PCDH9: variants seen among roughly 807,000 people sequenced by gnomAD.
PCDH9 encodes the protein protocadherin-9.
Under a neutral mutation model 70.6 loss-of-function variants are expected in PCDH9, and 24 were observed. That is an observed-to-expected ratio of 0.34 (90% CI 0.25 to 0.48). PCDH9 has a LOEUF of 0.48. Among genes scored for constraint, PCDH9 ranks in the 20% least tolerant of loss-of-function variants. The pLI, the probability that PCDH9 is intolerant of heterozygous loss-of-function variation, is 0.99. For synonymous variants in PCDH9, 562 were observed against 558.5 expected, an observed-to-expected ratio of 1.01 and a Z score of -0.09; for missense variants, 1,281 against 1,503.6, an observed-to-expected ratio of 0.85 and a Z score of 2.45.
At chr13:66,962,757 T>G (rs1490052707) in intron 2 of PCDH9, among the ~76,000 whole-genome samples, 1 of 152,184 alleles carries the variant, frequency 6.6e-6, no homozygotes, top group Admixed American at 6.6e-5. Context: ...TTATTTATAA[T>G]GCATCAGTGG....
At chr13:66,322,920 ATTC>A (rs1370459630) in intron 4 of PCDH9, among the ~76,000 whole-genome samples, 3 of 152,016 alleles carry the variant, frequency 2.0e-5, no homozygotes, top group African/African-American at 2.4e-5. Flanking sequence ...CTTTTAAAAA[ATTC>A]TTCTAATCAT....
intron 4 of PCDH9, among the ~76,000 whole-genome samples, chr13:66,340,201 C>A (rs539057946): frequency 6.6e-6 from 1 of 152,248 alleles, no homozygotes; most frequent in East Asian, 1.9e-4. Context: ...AACCAAAATT[C>A]ATTTGGCAAG....
At chr13:66,645,002 T>C (rs1486915716) in intron 3 of PCDH9, among the ~76,000 whole-genome samples, 1 of 152,044 alleles carries the variant, frequency 6.6e-6, no homozygotes, top group African/African-American at 2.4e-5. Flanking sequence ...GAAATCACCT[T>C]TCCTGGAACA....
chr13:67,215,800 A>T (rs146567394), intron 2 of PCDH9: 1 of 152,332 alleles, frequency 6.6e-6, no homozygotes, highest in East Asian at 1.9e-4. Context: ...TTCAGGTTGC[A>T]TCAAAATTTA....
At chr13:66,614,528 A>AAGTGTT in intron 4 of PCDH9, among the ~76,000 whole-genome samples, 1 of 152,342 alleles carries the variant, frequency 6.6e-6, no homozygotes. Flanking sequence ...ATTCTGTTTC[A>AAGTGTT]TAATATCAAG....
chr13:66,677,018 A>G (rs2078252914), intron 3 of PCDH9, among the ~76,000 whole-genome samples: 1 of 152,128 alleles, frequency 6.6e-6, no homozygotes, highest in Non-Finnish European at 1.5e-5. Context: ...TTTTTAGATC[A>G]CACCGAAGAA....
At chr13:66,417,752 G>A (rs1000514637) in intron 4 of PCDH9, among the ~76,000 whole-genome samples, 1 of 152,166 alleles carries the variant, frequency 6.6e-6, no homozygotes, top group East Asian at 1.9e-4. Flanking sequence ...TTTCTCTAAT[G>A]ACCAGTGATG....
In PCDH9 at chr13:66,896,364, T is replaced by TTAATAATAAGTGACTTACAAAAA. The variant is rs535955247; in HGVS notation, c.3138+7117_3138+7139dup. On this transcript the variant is annotated intron_variant, in intron 3 of 4. Transcript: ENST00000377865. ...AAAACACCACAAATGTATGCTGTTT[T>TTAATAATAAGTGACTTACAAAAA]TAATAATAAGTGACTTACAAAAATA... Among the ~76,000 whole-genome samples the TTAATAATAAGTGACTTACAAAAA allele has an allele frequency of 9.8e-3, 1,489 of 152,186 alleles. 8 individuals are homozygous for TTAATAATAAGTGACTTACAAAAA. The highest frequency in any genetic ancestry group is 0.017 in the Non-Finnish European group (1,167 of 67,996).
intron 3 of PCDH9, among the ~76,000 whole-genome samples, chr13:66,652,417 T>G (rs534278706): frequency 6.6e-6 from 1 of 152,028 alleles, no homozygotes; most frequent in African/African-American, 2.4e-5. Flanking sequence ...GGATTTAACT[T>G]AACCAAAGAA....
chr13:66,638,318 G>A (rs1222803244), intron 3 of PCDH9, among the ~76,000 whole-genome samples: 1 of 152,086 alleles, frequency 6.6e-6, no homozygotes. Context: ...GCAGACTTAG[G>A]CAAGGTCAGT....
chr13:66,486,576 C>G (rs538490924), intron 4 of PCDH9, among the ~76,000 whole-genome samples: 2 of 146,826 alleles, frequency 1.4e-5, no homozygotes, highest in South Asian at 4.2e-4. Context: ...GTTGAAGCTA[C>G]AGTAGGCTAT....
chr13:66,648,377 G>A (rs889019608), intron 3 of PCDH9, among the ~76,000 whole-genome samples: 1 of 152,212 alleles, frequency 6.6e-6, no homozygotes, highest in African/African-American at 2.4e-5. Context: ...GACTCCATTT[G>A]TTCAGGAGAA....
chr13:66,600,459 T>A (rs540049603), intron 4 of PCDH9, among the ~76,000 whole-genome samples: 99 of 152,048 alleles, frequency 6.5e-4, no homozygotes, highest in Non-Finnish European at 1.3e-3. Context: ...GTGTTTCTAA[T>A]AAGCTGACAA....
At position 66,485,571 on chromosome 13, in the gene PCDH9, T is replaced by C. The variant is rs188652726; in HGVS notation, c.3340+145639A>G. 4.1e-4 allele frequency among the ~76,000 whole-genome samples: 62 copies of C among 152,198 alleles called. 1 individual carries two copies. Among genetic ancestry groups the C allele is most frequent in the Admixed American group, 1.2e-3 (19 of 15,274 alleles). On this transcript the variant is annotated intron_variant, in intron 4 of 4. Coordinates refer to ENST00000377865, the MANE Select transcript of PCDH9 (RefSeq NM_203487.3). ...AAATAAGAAAGGCACCAGAAATGCA[T>C]ACAGGTATGTGTACATATGCATATG...
intron 3 of PCDH9, among the ~76,000 whole-genome samples, chr13:66,866,523 C>T (rs903211246): frequency 1.3e-5 from 2 of 151,148 alleles, no homozygotes; most frequent in African/African-American, 2.4e-5. Context: ...CATGGCTGGG[C>T]ATAGTGGTTC....
chr13:66,320,214 A>G (rs539847701), intron 4 of PCDH9, among the ~76,000 whole-genome samples: 1 of 152,220 alleles, frequency 6.6e-6, no homozygotes, highest in African/African-American at 2.4e-5. Flanking sequence ...CATTGGAAGT[A>G]AAAATTTATG....
At chr13:67,037,600 A>G (rs933795510) in intron 2 of PCDH9, among the ~76,000 whole-genome samples, 2 of 152,210 alleles carry the variant, frequency 1.3e-5, no homozygotes, top group African/African-American at 2.4e-5. Context: ...TTTCAGGTTT[A>G]TGTTGAGTAC....
At position 67,090,444 on chromosome 13, in the gene PCDH9, G is replaced by A. The variant is rs17082089; in HGVS notation, c.3036+134961C>T. 6.2e-3 allele frequency among the ~76,000 whole-genome samples: 939 copies of A among 152,046 alleles called. 11 individuals carry two copies. Among genetic ancestry groups the A allele is most frequent in the African/African-American group, 0.021 (860 of 41,526 alleles). ...CATTTTTGGGTTAAAAATATATTAG[G>A]AGGCATAATCCTGTATTGTACCTAA... On this transcript the variant is annotated intron_variant, in intron 2 of 4. Transcript: ENST00000377865.
intron 4 of PCDH9, among the ~76,000 whole-genome samples, chr13:66,605,696 G>T (rs1048300507): frequency 3.9e-5 from 6 of 152,046 alleles, no homozygotes; most frequent in African/African-American, 1.4e-4. Context: ...TATCAGTTTT[G>T]CCAGATGAAT....
Sources: allele counts gnomAD v4.1 joint callset (sites outside exome capture counted in the v4.1 genomes callset), GRCh38; gene constraint gnomAD v4.1.1; transcripts MANE v1.5; gene names NCBI Gene and HGNC (gene_info 2026-07-23, HGNC 2026-07-21).